HHAT: variants seen among roughly 807,000 people sequenced by gnomAD.
HHAT encodes the protein protein-cysteine N-palmitoyltransferase HHAT.
A neutral mutation model predicts 70.8 loss-of-function variants in HHAT; 47 were observed. That is an observed-to-expected ratio of 0.66 (90% confidence interval 0.53 to 0.85). HHAT has a LOEUF of 0.85. Among genes scored for constraint, HHAT ranks in the 40% least tolerant of loss-of-function variants. The pLI, the probability that HHAT is intolerant of heterozygous loss-of-function variation, is 0.00. For synonymous variants in HHAT, 228 were observed against 247.6 expected (o/e 0.92, Z 0.74); for missense variants, 609 against 604.8 (o/e 1.01, Z -0.07).
At chr1:210,566,617 A>C (rs544619469) in intron 9 of HHAT, among the ~76,000 whole-genome samples, 1 of 152,100 alleles carries the variant, frequency 6.6e-6, no homozygotes, top group Admixed American at 6.5e-5. Context: ...AAGAGAAGGA[A>C]TGTCTGAATG....
At position 210,340,242 on chromosome 1, in the gene HHAT, G is replaced by GGGGAAAAAAAA. The variant is rs1553313987; in HGVS notation, c.-43-8691_-43-8690insGGGAAAAAAAA. ...GGGGATAGAGCAAGACTCTGTCTCA[G>GGGGAAAAAAAA]AAAAAAAAAAAAAAAAAAAAAAAAA... On this transcript the variant is annotated intron_variant, in intron 1 of 11. Coordinates refer to ENST00000261458, the MANE Select transcript of HHAT (RefSeq NM_018194.6). Among the ~76,000 whole-genome samples, 35 of 99,774 alleles carry GGGGAAAAAAAA rather than the reference G, an allele frequency of 3.5e-4. 5 individuals are homozygous for GGGGAAAAAAAA. The highest frequency in any genetic ancestry group is 7.1e-4 in the African/African-American group (21 of 29,624). 65.5% of individuals were successfully genotyped at this position (99,774 alleles called of 152,430 possible). A position where few individuals can be genotyped will look rare whatever the true frequency, so the allele number is the denominator to read the frequency against.
intron 1 of HHAT, 55 bp downstream of exon 1, chr1:210,329,159 G>C (rs1296974459): frequency 1.6e-6 from 2 of 1,261,982 alleles, no homozygotes; most frequent in Non-Finnish European, 2.0e-6. Flanking sequence ...TGAATTTTCT[G>C]CGTCAGTTTA....
intron 9 of HHAT, among the ~76,000 whole-genome samples, chr1:210,521,071 A>ATGTAGTCCTTAC (rs1196923398): frequency 6.6e-6 from 1 of 152,246 alleles, no homozygotes; most frequent in Non-Finnish European, 1.5e-5. Flanking sequence ...GTAGTCCTTA[A>ATGTAGTCCTTAC]TATAGTCCTT....
chr1:210,421,687 C>T lies in HHAT; in HGVS notation c.856+3362C>T, dbSNP rs1572325585. 3.9e-5 allele frequency among the ~76,000 whole-genome samples: 6 copies of T among 152,220 alleles called. No homozygotes were observed. The South Asian group carries it at 1.2e-3, about 32-fold the overall frequency. ...CTTGAACTCCTGACCTCAAGTGATC[C>T]ACCCACCTCGGCCTCCCAAATTGCT... On this transcript the variant is annotated intron_variant, in intron 7 of 11. Coordinates refer to ENST00000261458, the MANE Select transcript of HHAT (RefSeq NM_018194.6).
At chr1:210,534,325 C>T (rs1256688989) in intron 9 of HHAT, among the ~76,000 whole-genome samples, 1 of 152,100 alleles carries the variant, frequency 6.6e-6, no homozygotes, top group Non-Finnish European at 1.5e-5. Flanking sequence ...ACTTTGGCTA[C>T]CTGAGGATGT....
chr1:210,611,015 T>C (rs1403736750), intron 10 of HHAT, among the ~76,000 whole-genome samples: 1 of 152,222 alleles, frequency 6.6e-6, no homozygotes, highest in Non-Finnish European at 1.5e-5. Flanking sequence ...TGGTTCCATA[T>C]GAATTTTAAA....
chr1:210,383,899 C>T (rs2090847277), intron 3 of HHAT, among the ~76,000 whole-genome samples: 1 of 152,194 alleles, frequency 6.6e-6, no homozygotes, highest in Non-Finnish European at 1.5e-5. Context: ...GTTTCACTGA[C>T]ATATGAAGTT....
At position 210,374,733 on chromosome 1, in the gene HHAT, T is replaced by C. The variant is rs184921106; in HGVS notation, c.159+11814T>C. Among the ~76,000 whole-genome samples the C allele has an allele frequency of 1.5e-3, 227 of 152,118 alleles. 1 individual carries two copies. Among genetic ancestry groups the C allele is most frequent in the Non-Finnish European group, 1.6e-3 (109 of 68,000 alleles). On this transcript the variant is annotated intron_variant, in intron 3 of 11. Transcript: ENST00000261458. ...AGCAGTAGTACAGAGAGGCCTTGTG[T>C]ACCTCTACCGAGCTTCCCCAGTGGG...
intron 11 of HHAT, among the ~76,000 whole-genome samples, chr1:210,633,654 CATTG>C (rs1276997422): frequency 1.3e-5 from 2 of 152,230 alleles, no homozygotes; most frequent in Non-Finnish European, 2.9e-5. Context: ...TAACCCCTGA[CATTG>C]ATTACACAGG....
At chr1:210,542,428 G>C (rs1325751647) in intron 9 of HHAT, among the ~76,000 whole-genome samples, 1 of 151,972 alleles carries the variant, frequency 6.6e-6, no homozygotes, top group Non-Finnish European at 1.5e-5. Flanking sequence ...TGTCATAGCA[G>C]TGTTAGGTTT....
At chr1:210,641,738 T>C (rs1249465084) in intron 11 of HHAT, among the ~76,000 whole-genome samples, 1 of 152,222 alleles carries the variant, frequency 6.6e-6, no homozygotes, top group Non-Finnish European at 1.5e-5. Flanking sequence ...ACACACAGCA[T>C]GCACATACGC....
rs374785217 is a variant in HHAT, at chr1:210,401,154, C to T, written c.468+492C>T. On this transcript the variant is annotated intron_variant, in intron 5 of 11. Transcript: ENST00000261458. ...GTAGAGACGGAGTCTTGCTCTGTCA[C>T]CCAGGGCTGAAGTGCAGTGGTGCGA... is the stretch of plus-strand genomic sequence containing the variant. 3.3e-5 allele frequency among the ~76,000 whole-genome samples: 5 copies of T among 152,194 alleles called. No homozygotes were observed. The East Asian group carries it at 9.6e-4, about 29-fold the overall frequency.
At chr1:210,584,524 T>G (rs1039233438) in intron 9 of HHAT, among the ~76,000 whole-genome samples, 1 of 152,144 alleles carries the variant, frequency 6.6e-6, no homozygotes, top group African/African-American at 2.4e-5. Context: ...CTGAGTATTC[T>G]ACACCAATGA....
intron 9 of HHAT, among the ~76,000 whole-genome samples, chr1:210,563,644 C>A (rs1220526551): frequency 6.6e-6 from 1 of 152,108 alleles, no homozygotes; most frequent in Non-Finnish European, 1.5e-5. Context: ...TATGACAGAT[C>A]CAACTCTCAG....
intron 6 of HHAT, among the ~76,000 whole-genome samples, chr1:210,405,303 CT>C (rs887378837): frequency 6.6e-6 from 1 of 152,122 alleles, no homozygotes; most frequent in Non-Finnish European, 1.5e-5. Flanking sequence ...TTGTTCCCCC[CT>C]ACTTCACTTT....
chr1:210,579,387 A>G (rs1202278165), intron 9 of HHAT, among the ~76,000 whole-genome samples: 2 of 152,258 alleles, frequency 1.3e-5, no homozygotes, highest in African/African-American at 4.8e-5. Context: ...TGGGTATAAA[A>G]TATTAGTTAT....
At chr1:210,473,800 AAAGAG>A (rs146518205) in intron 8 of HHAT, among the ~76,000 whole-genome samples, 1,987 of 152,178 alleles carry the variant, frequency 0.013, 50 homozygotes, top group African/African-American at 0.046. Context: ...GCTAATGAAA[AAAGAG>A]AATTGTCTGT....
chr1:210,649,549 T>A (rs1318644760), intron 11 of HHAT, among the ~76,000 whole-genome samples: 1 of 152,206 alleles, frequency 6.6e-6, no homozygotes, highest in African/African-American at 2.4e-5. Flanking sequence ...GCAGTATTGC[T>A]CCCAGTGTGA....
intron 3 of HHAT, among the ~76,000 whole-genome samples, chr1:210,387,264 A>G (rs552225155): frequency 2.4e-4 from 36 of 152,324 alleles, no homozygotes; most frequent in African/African-American, 8.4e-4. Context: ...AGGTTGGTGC[A>G]AAAGTAATTG....
Sources: allele counts gnomAD v4.1 joint callset (sites outside exome capture counted in the v4.1 genomes callset), GRCh38; gene constraint gnomAD v4.1.1; transcripts MANE v1.5; gene names NCBI Gene and HGNC (gene_info 2026-07-23, HGNC 2026-07-21).